SULF2: variants seen among roughly 807,000 people sequenced by gnomAD.
SULF2 encodes sulfatase 2, also known as extracellular sulfatase Sulf-2.
A neutral mutation model predicts 107.7 loss-of-function variants in SULF2; 52 were observed. The observed-to-expected ratio is 0.48, with a 90% confidence interval of 0.39 to 0.61. The LOEUF (loss-of-function observed/expected upper bound fraction) is 0.61, where lower values mean the gene tolerates loss of function less well. Ranked by LOEUF, SULF2 falls within the 20% of genes least tolerant of loss-of-function variation. SULF2 has a pLI of 0.00. For missense variants in SULF2, 993 were observed against 1,177.3 expected (o/e 0.84, Z 2.29); for synonymous variants, 460 against 464.3 (o/e 0.99, Z 0.12).
intron 3 of SULF2, among the ~76,000 whole-genome samples, chr20:47,723,216 C>A (rs768132064): frequency 3.4e-4 from 51 of 151,530 alleles, no homozygotes; most frequent in Non-Finnish European, 6.5e-4. Context: ...TGTACTCCAG[C>A]CTGGGTGGCA....
rs573665352 is a variant in SULF2, at chr20:47,694,586, C to G, written c.568-4291G>C. On this transcript the variant is annotated intron_variant, in intron 4 of 20. Coordinates refer to ENST00000688720, the MANE Select transcript of SULF2 (RefSeq NM_001387048.1). This position sits in a 1 kb window ranked among gnomAD's most constrained non-coding sequence, Gnocchi z 4.4. ...ACAGCTCCACAGGGCTGAGAAGCCACAGCTGGGACCCCGAGGTGCAACCGG... is the reference window on the plus strand; with the variant it reads ...ACAGCTCCACAGGGCTGAGAAGCCAGAGCTGGGACCCCGAGGTGCAACCGG... Among the ~76,000 whole-genome samples, 1 of 152,200 alleles carries G rather than the reference C, an allele frequency of 6.6e-6. No homozygotes were observed. The highest frequency in any genetic ancestry group is 6.5e-5 in the Admixed American group (1 of 15,298).
intron 11 of SULF2, among the ~76,000 whole-genome samples, chr20:47,670,781 T>G (rs1447499329): frequency 1.6e-5 from 1 of 64,314 alleles, no homozygotes; most frequent in Non-Finnish European, 3.4e-5. Flanking sequence ...AGATGAAGAG[T>G]TCATTTAGCA....
chr20:47,702,056 C>T (rs74988215), intron 4 of SULF2, among the ~76,000 whole-genome samples: 9,649 of 152,196 alleles, frequency 0.063, 318 homozygotes, highest in Middle Eastern at 0.078. Context: ...GAAATGAATA[C>T]ATTTTTCTTT....
intron 3 of SULF2, among the ~76,000 whole-genome samples, chr20:47,733,212 T>C (rs1303854329): frequency 6.6e-6 from 1 of 152,194 alleles, no homozygotes; most frequent in African/African-American, 2.4e-5. Flanking sequence ...AAGAGACTAT[T>C]GAGAAGGATG....
chr20:47,659,606 A>C, intron 19 of SULF2, 91 bp downstream of exon 19: 5 of 1,394,496 alleles, frequency 3.6e-6, no homozygotes, highest in Non-Finnish European at 5.1e-6. Context: ...GCAGTTTCTC[A>C]AGATAACAGG....
chr20:47,659,526 C>T, intron 19 of SULF2, 74 bp from the exon 20 acceptor site: 2 of 1,523,456 alleles, frequency 1.3e-6, no homozygotes, highest in Non-Finnish European at 1.8e-6. Flanking sequence ...AAGAACTATA[C>T]AAAGAAGGTC....
chr20:47,727,312 G>A (rs968509744), intron 3 of SULF2, among the ~76,000 whole-genome samples: 1 of 152,142 alleles, frequency 6.6e-6, no homozygotes, highest in Non-Finnish European at 1.5e-5. Flanking sequence ...ACAGGGAGGA[G>A]GCCGCATGAA....
At chr20:47,687,221 G>C (rs1302140096) in intron 5 of SULF2, among the ~76,000 whole-genome samples, 1 of 152,230 alleles carries the variant, frequency 6.6e-6, no homozygotes, top group East Asian at 1.9e-4. Context: ...TTTTGGAGAA[G>C]GACACTGAGG....
intron 4 of SULF2, among the ~76,000 whole-genome samples, chr20:47,695,698 C>T (rs930256670): frequency 6.6e-6 from 1 of 152,234 alleles, no homozygotes; most frequent in African/African-American, 2.4e-5. Context: ...ACTGCAGCCT[C>T]TGCCTCCTGG....
intron 10 of SULF2, among the ~76,000 whole-genome samples, chr20:47,675,414 G>T (rs2087609593): frequency 6.6e-6 from 1 of 152,208 alleles, no homozygotes; most frequent in South Asian, 2.1e-4. Context: ...CCCGGTGGCA[G>T]ATACGGGTTA....
chr20:47,784,968 A>G (rs1385288574), intron 1 of SULF2, among the ~76,000 whole-genome samples: 1 of 151,990 alleles, frequency 6.6e-6, no homozygotes, highest in Non-Finnish European at 1.5e-5. Context: ...CTTGGGTCTA[A>G]ACCCTAAGGG....
At chr20:47,683,936 G>C (rs2087911991) in intron 6 of SULF2, among the ~76,000 whole-genome samples, 1 of 152,216 alleles carries the variant, frequency 6.6e-6, no homozygotes, top group East Asian at 1.9e-4. Flanking sequence ...GAAGTGTGCA[G>C]AACACCAAAT....
At chr20:47,741,997 T>C (rs1257392805) in intron 2 of SULF2, among the ~76,000 whole-genome samples, 2 of 152,246 alleles carry the variant, frequency 1.3e-5, no homozygotes, top group Non-Finnish European at 2.9e-5. Flanking sequence ...TGAGGTGCTC[T>C]TGGCCAGCAC....
Position 47,662,946 on chromosome 20 carries a change from C to T in SULF2, c.2370+124G>A, listed in dbSNP as rs112359915. Reference sequence around the variant, plus strand: ...TCTCAGCAGCTTCACAACTTACTCCCACCGGCTCAGGGACTCAGTGGGACT... The same window carrying T: ...TCTCAGCAGCTTCACAACTTACTCCTACCGGCTCAGGGACTCAGTGGGACT... On this transcript the variant is annotated intron_variant, in intron 17 of 20. Coordinates refer to ENST00000688720, the MANE Select transcript of SULF2 (RefSeq NM_001387048.1). The T allele has an allele frequency of 4.5e-6, 5 of 1,108,574 alleles. No individual in the cohort carries two copies. In the East Asian group the frequency reaches 7.4e-5, roughly 16 times the overall value. The allele number at this position is 1,108,574 out of a possible 1,614,324, so 68.7% of individuals were successfully genotyped here.
chr20:47,770,398 AG>A (rs1328794613), intron 1 of SULF2, among the ~76,000 whole-genome samples: 2 of 152,000 alleles, frequency 1.3e-5, no homozygotes, highest in Admixed American at 1.3e-4. Flanking sequence ...TGACTATGTG[AG>A]GGGAACAGAC....
intron 1 of SULF2, among the ~76,000 whole-genome samples, chr20:47,767,636 G>A (rs1464378842): frequency 6.6e-6 from 1 of 152,212 alleles, no homozygotes; most frequent in East Asian, 1.9e-4. Context: ...TTAGCTGGGT[G>A]TGGTGGCACA....
chr20:47,755,670 C>T lies in SULF2; in HGVS notation c.175+1519G>A, dbSNP rs576161032. Reference sequence around the variant, plus strand: ...ACCCCATCGGCCTCTGAATGAGTGTCCTGTTTCTGCCCTTACCCCTGCGAT... The same window carrying T: ...ACCCCATCGGCCTCTGAATGAGTGTTCTGTTTCTGCCCTTACCCCTGCGAT... On this transcript the variant is annotated intron_variant, in intron 2 of 20. Coordinates refer to ENST00000688720, the MANE Select transcript of SULF2 (RefSeq NM_001387048.1). Among the ~76,000 whole-genome samples, 117 of 152,326 alleles carry T rather than the reference C, an allele frequency of 7.7e-4. 1 individual carries two copies. The highest frequency in any genetic ancestry group is 1.9e-3 in the South Asian group (9 of 4,828).
chr20:47,734,725 T>C (rs776715231), intron 3 of SULF2, among the ~76,000 whole-genome samples: 2 of 152,202 alleles, frequency 1.3e-5, no homozygotes, highest in Non-Finnish European at 2.9e-5. Context: ...ATTCTAAATA[T>C]AATGAATAAA....
intron 20 of SULF2, among the ~76,000 whole-genome samples, chr20:47,658,802 G>T (rs1055858683): frequency 5.9e-5 from 9 of 152,230 alleles, no homozygotes; most frequent in Non-Finnish European, 1.3e-4. Flanking sequence ...TGCCCACATG[G>T]TTAACTTAAT....
Sources: gnomAD v4.1 joint callset for allele counts (sites outside exome capture counted in the v4.1 genomes callset) on GRCh38, gnomAD v4.1.1 for gene constraint, Gnocchi (gnomAD v3.1) non-coding constraint, MANE v1.5 for transcripts, NCBI Gene and HGNC (gene_info 2026-07-23, HGNC 2026-07-21) for gene names.